The following COG2 variants were observed in gnomAD, a reference collection of about 807,000 sequenced individuals.
The protein encoded by COG2 is conserved oligomeric Golgi complex subunit 2.
Under a neutral mutation model 90.6 loss-of-function variants are expected in COG2, and 52 were observed. The observed-to-expected ratio is 0.57, with a 90% CI of 0.46 to 0.72. The LOEUF is 0.72. Among genes scored for constraint, COG2 ranks in the 30% least tolerant of loss-of-function variants. The pLI, the probability that COG2 is intolerant of heterozygous loss-of-function variation, is 0.00. For synonymous variants in COG2, 337 were observed against 320.4 expected, an observed-to-expected ratio of 1.05 and a Z score of -0.55; for missense variants, 829 against 891.2, an observed-to-expected ratio of 0.93 and a Z score of 0.89.
chr1:230,678,491 T>A, intron 9 of COG2: 1 of 985,320 alleles, frequency 1.0e-6, no homozygotes, highest in Non-Finnish European at 1.2e-6. Context: ...AAGTGAATAC[T>A]CACATGGTTT....
At chr1:230,673,219 T>G (rs930981530) in intron 8 of COG2, among the ~76,000 whole-genome samples, 1 of 152,172 alleles carries the variant, frequency 6.6e-6, no homozygotes, top group Non-Finnish European at 1.5e-5. Flanking sequence ...TTTTCCACAG[T>G]TTTTAGTGTG....
In COG2 at chr1:230,663,198, C is replaced by T; in HGVS notation, c.358C>T (p.Gln120Ter). Residue 120 changes from glutamine (Q) to a stop codon, truncating the protein, a stop_gained, in exon 4 of 18, where the codon CAA becomes TAA. Coordinates refer to ENST00000366669, the MANE Select transcript of COG2 (RefSeq NM_007357.3). LOFTEE classifies it high-confidence loss of function. ...GGCAGTTGATGAACGAATGTCTAAA[C>T]AAGAGGACATTAGGAAAAAAAAGGT... The part of the protein sequence containing the change: ...IRAVDERMSK[Q>*]EDIRKKKMCV... The T allele has an allele frequency of 6.2e-7, 1 of 1,607,040 alleles. No homozygotes were observed. The highest frequency in any genetic ancestry group is 8.5e-7 in the Non-Finnish European group (1 of 1,176,806).
Position 230,674,983 on chromosome 1 carries a change from G to T in COG2, c.900-15G>T. 6.3e-7 allele frequency: 1 copy of T among 1,595,316 alleles called. No individual in the cohort carries two copies. Among genetic ancestry groups the T allele is most frequent in the East Asian group, 2.3e-5 (1 of 44,244 alleles). ...ATTATGGTATATTTTACTGATATGT[G>T]CCCTTATTTTACAGTGAAAAAGGCA... On this transcript the variant is annotated splice_polypyrimidine_tract_variant and intron_variant, in intron 8 of 17. Transcript: ENST00000366669.
chr1:230,693,169 C>G (rs1663078162), intron 17 of COG2, 123 bp from the exon 18 acceptor site: 2 of 590,062 alleles, frequency 3.4e-6, no homozygotes, highest in African/African-American at 3.8e-5. Flanking sequence ...GAAAAAATAT[C>G]CTACAAGTCT....
intron 10 of COG2, 190 bp from the exon 11 acceptor site, chr1:230,683,384 G>A (rs1662801727): frequency 1.8e-6 from 1 of 541,686 alleles, no homozygotes; most frequent in Non-Finnish European, 3.3e-6. Flanking sequence ...TATAACAGTG[G>A]CTTAGTCACG....
chr1:230,692,230 C>T (rs1007429705), intron 17 of COG2, among the ~76,000 whole-genome samples: 5 of 151,654 alleles, frequency 3.3e-5, no homozygotes, highest in Admixed American at 2.6e-4. Flanking sequence ...GTTAAAGCGT[C>T]GCACATAGTA....
intron 7 of COG2, 194 bp from the exon 8 acceptor site, chr1:230,671,322 T>G (rs1333263186): frequency 7.4e-6 from 3 of 405,650 alleles, no homozygotes; most frequent in Non-Finnish European, 1.3e-5. Flanking sequence ...CAGTTGTATC[T>G]GTACAGCCTA....
chr1:230,678,610 G>A, intron 9 of COG2: 7 of 1,313,086 alleles, frequency 5.3e-6, no homozygotes, highest in Non-Finnish European at 6.9e-6. Context: ...TAATTCCAGT[G>A]GGCTGGGGTA....
At chr1:230,690,235 T>G in intron 16 of COG2, 82 bp downstream of exon 16, 1 of 1,254,410 alleles carries the variant, frequency 8.0e-7, no homozygotes, top group Non-Finnish European at 1.1e-6. Flanking sequence ...AAGCACTGCG[T>G]ATGGATAAGG....
At position 230,691,864 on chromosome 1, in the gene COG2, G is replaced by A. The variant is rs1049105507; in HGVS notation, c.2115+300G>A. 3 of 292,054 alleles carry A rather than the reference G, an allele frequency of 1.0e-5. No individual in the cohort carries two copies. The Admixed American group carries it at 1.4e-4, about 14-fold the overall frequency. The allele number at this position is 292,054 out of a possible 1,614,324, so 18.1% of individuals were successfully genotyped here. On this transcript the variant is annotated intron_variant, in intron 17 of 17. Transcript: ENST00000366669. Reference sequence around the variant, plus strand: ...CTACAGTGAGACTTTTTGGTCCAGTGCCTGATACTTAATTGGTGCGAACCC... The same window carrying A: ...CTACAGTGAGACTTTTTGGTCCAGTACCTGATACTTAATTGGTGCGAACCC...
chr1:230,685,428 G>A (rs1196116229), intron 12 of COG2, among the ~76,000 whole-genome samples, 192 bp downstream of exon 12: 1 of 151,932 alleles, frequency 6.6e-6, no homozygotes, highest in African/African-American at 2.4e-5. Context: ...TTGCATTTAG[G>A]GGTGTCTATT....
Position 230,669,429 on chromosome 1 carries a change from A to G in COG2, c.668A>G (p.Asp223Gly). 1 of 1,614,126 alleles carries G rather than the reference A, an allele frequency of 6.2e-7. No homozygotes were observed. Among genetic ancestry groups the G allele is most frequent in the Non-Finnish European group, 8.5e-7 (1 of 1,179,972 alleles). ...GLLLEGLQTSDVDIIRHCLRT... is the reference protein window; with the variant it reads ...GLLLEGLQTSGVDIIRHCLRT... ...CTATTAGAAGGCCTTCAGACGTCTGACGTCGATATAATACGGCACTGCTTG... is the reference window on the plus strand; with the variant it reads ...CTATTAGAAGGCCTTCAGACGTCTGGCGTCGATATAATACGGCACTGCTTG... The change falls in exon 7 of 18, where the codon GAC becomes GGC. Residue 223 changes from aspartate to glycine, a missense_variant. Transcript: ENST00000366669.
intron 2 of COG2, among the ~76,000 whole-genome samples, chr1:230,659,934 C>T (rs908606710): frequency 2.0e-5 from 3 of 152,136 alleles, no homozygotes; most frequent in East Asian, 1.9e-4. Context: ...TGGTTTAGAC[C>T]AATTTGCAAG....
intron 11 of COG2, among the ~76,000 whole-genome samples, 155 bp downstream of exon 11, chr1:230,683,790 CTTT>C (rs201331253): frequency 6.7e-6 from 1 of 148,792 alleles, no homozygotes; most frequent in Non-Finnish European, 1.5e-5. Context: ...AGTTTGACTT[CTTT>C]TTTTTGCTTT....
intron 1 of COG2, among the ~76,000 whole-genome samples, chr1:230,645,174 T>C (rs2102738412): frequency 7.0e-6 from 1 of 142,520 alleles, no homozygotes; most frequent in East Asian, 2.0e-4. Flanking sequence ...AGGTCAAGGC[T>C]GCAGTGAGCC....
intron 2 of COG2, 75 bp from the exon 3 acceptor site, chr1:230,660,683 A>G: frequency 4.1e-6 from 4 of 982,912 alleles, no homozygotes; most frequent in Non-Finnish European, 6.0e-6. Flanking sequence ...CTAGCACTAC[A>G]TTGATCATTA....
chr1:230,653,221 GTTT>G (rs112155610), intron 1 of COG2, among the ~76,000 whole-genome samples: 112 of 137,904 alleles, frequency 8.1e-4, no homozygotes, highest in African/African-American at 2.7e-3. Flanking sequence ...TTCATTTTTT[GTTT>G]TTTTTTTTTT....
rs1307049366 is a variant in COG2, at chr1:230,686,885, C to T, written c.1381-50C>T. 3.3e-6 allele frequency: 4 copies of T among 1,201,696 alleles called. No individual in the cohort carries two copies. In the East Asian group the frequency reaches 7.2e-5, roughly 22 times the overall value. 74.4% of individuals were successfully genotyped at this position (1,201,696 alleles called of 1,614,324 possible). A position where few individuals can be genotyped will look rare whatever the true frequency, so the allele number is the denominator to read the frequency against. ...CGCACATATGTAATATATAAATGCTCATGTATCTTGCTAGTGTGAAAGTAG... is the reference window on the plus strand; with the variant it reads ...CGCACATATGTAATATATAAATGCTTATGTATCTTGCTAGTGTGAAAGTAG... On this transcript the variant is annotated intron_variant, in intron 12 of 17. Coordinates refer to ENST00000366669, the MANE Select transcript of COG2 (RefSeq NM_007357.3).
chr1:230,665,775 G>C (rs914782088), intron 5 of COG2, among the ~76,000 whole-genome samples: 1 of 152,076 alleles, frequency 6.6e-6, no homozygotes, highest in Non-Finnish European at 1.5e-5. Context: ...TCAGTTCTGA[G>C]AGCCCAGCAG....
Sources: allele counts gnomAD v4.1 joint callset (sites outside exome capture counted in the v4.1 genomes callset), GRCh38; gene constraint gnomAD v4.1.1; transcripts MANE v1.5; gene names NCBI Gene and HGNC (gene_info 2026-07-23, HGNC 2026-07-21).